Variants in USP54 observed in about 807,000 individuals in gnomAD.
USP54 encodes the protein ubiquitin carboxyl-terminal hydrolase 54.
In USP54, 87 loss-of-function variants were observed where a neutral mutation model predicts 170.5. The ratio of observed to expected loss-of-function variants is 0.51; its 90% CI spans 0.43 to 0.61. The LOEUF is 0.61. Ranked by LOEUF, USP54 falls within the 20% of genes least tolerant of loss-of-function variation. The pLI, the probability that USP54 is intolerant of heterozygous loss-of-function variation, is 0.00. For missense variants in USP54, 1,786 were observed against 2,047.8 expected (o/e 0.87, Z 2.47); for synonymous variants, 655 against 742.8 (o/e 0.88, Z 1.92).
At chr10:73,537,847 T>C (rs553141767) in intron 10 of USP54, 1 of 152,086 alleles carries the variant, frequency 6.6e-6, no homozygotes, top group Non-Finnish European at 1.5e-5. Flanking sequence ...GCTGTGGCTA[T>C]GTGCAGCTCA....
At chr10:73,573,608 A>T (rs913025392) in intron 3 of USP54, among the ~76,000 whole-genome samples, 1 of 152,176 alleles carries the variant, frequency 6.6e-6, no homozygotes, top group African/African-American at 2.4e-5. Context: ...TACTAAAAGT[A>T]CAAAAATTAG....
chr10:73,531,920 G>A (rs1464044919), intron 12 of USP54, among the ~76,000 whole-genome samples: 2 of 152,016 alleles, frequency 1.3e-5, no homozygotes, highest in Non-Finnish European at 2.9e-5. Context: ...GAATTAAGCA[G>A]GTAAATTAAG....
intron 11 of USP54, 37 bp from the exon 12 acceptor site, chr10:73,534,807 G>A: frequency 2.5e-6 from 4 of 1,593,562 alleles, no homozygotes; most frequent in Non-Finnish European, 3.4e-6. Flanking sequence ...AAAAAGTGAG[G>A]AAACAGAACA....
intron 17 of USP54, among the ~76,000 whole-genome samples, chr10:73,522,739 G>A (rs889877023): frequency 1.3e-5 from 2 of 152,154 alleles, no homozygotes; most frequent in Non-Finnish European, 2.9e-5. Flanking sequence ...AAAGAGAGTA[G>A]TATTAAAGGA....
chr10:73,562,955 A>G (rs2073403345), intron 4 of USP54, among the ~76,000 whole-genome samples: 3 of 151,928 alleles, frequency 2.0e-5, no homozygotes, highest in African/African-American at 7.3e-5. Flanking sequence ...GGTAACACTC[A>G]ATTTTTTTTT....
intron 3 of USP54, 76 bp from the exon 4 acceptor site, chr10:73,571,589 ACATAGGTAATGACTG>A: frequency 8.5e-7 from 1 of 1,172,420 alleles, no homozygotes. Flanking sequence ...GTTCAAACAA[ACATAGGTAATGACTG>A]CAGAAGATGT....
Position 73,498,068 on chromosome 10 carries a change from C to G in USP54, c.*561G>C, listed in dbSNP as rs1202124680. The G allele has an allele frequency of 2.0e-5, 3 of 152,318 alleles. No homozygotes were observed. Among genetic ancestry groups the G allele is most frequent in the African/African-American group, 7.2e-5 (3 of 41,420 alleles). The allele number at this position is 152,318 out of a possible 1,614,324, so 9.4% of individuals were successfully genotyped here. ...TACCATGGATTCATCTTTAAAGTGG[C>G]TCAGATAAAACCCTTAAACAGCAGC... On this transcript the variant is annotated 3_prime_UTR_variant, in exon 24 of 24. Transcript: ENST00000687698.
intron 20 of USP54, among the ~76,000 whole-genome samples, chr10:73,508,116 T>C (rs988983839): frequency 6.6e-6 from 1 of 152,166 alleles, no homozygotes; most frequent in African/African-American, 2.4e-5. Context: ...ATCTGATTCC[T>C]TTAAAAGAAG....
intron 1 of USP54, among the ~76,000 whole-genome samples, chr10:73,585,868 A>G (rs2077418395): frequency 6.6e-6 from 1 of 152,064 alleles, no homozygotes; most frequent in Admixed American, 6.6e-5. Flanking sequence ...TAAAAATACA[A>G]AAATTAGCTG....
At chr10:73,623,445 C>T (rs920856882) in intron 1 of USP54, among the ~76,000 whole-genome samples, 1 of 151,458 alleles carries the variant, frequency 6.6e-6, no homozygotes, top group Non-Finnish European at 1.5e-5. Flanking sequence ...TCACTTGAGC[C>T]CAGGAGTTTG....
chr10:73,617,170 C>A (rs1385873155), intron 1 of USP54, among the ~76,000 whole-genome samples: 1 of 150,400 alleles, frequency 6.6e-6, no homozygotes, highest in Admixed American at 6.6e-5. Context: ...GTGGCACATG[C>A]CTGTAATCCC....
rs1276450141 is a variant in USP54 at position 73,530,752 on chromosome 10, C to A, written c.1399G>T (p.Val467Phe). Residue 467 changes from valine to phenylalanine, a missense_variant, in exon 13 of 24, where the codon GTT becomes TTT. Coordinates refer to ENST00000687698, the MANE Select transcript of USP54 (RefSeq NM_001391956.1). ...LIERKRSSGR[V>F]RRKGDEPQAS... The stretch of plus-strand genomic sequence containing the variant: ...TGGGGCTCATCGCCTTTCCTCCTAA[C>A]CCGACCAGAGCTCCTCTTGCGCTCT... 3 of 1,614,066 alleles carry A rather than the reference C, an allele frequency of 1.9e-6. No individual in the cohort carries two copies. The highest frequency in any genetic ancestry group is 2.5e-6 in the Non-Finnish European group (3 of 1,180,030).
rs544774516 is a variant in USP54 at position 73,524,000 on chromosome 10, C to T, written c.2195-250G>A. ...TTGGCTCACTGCAACCTCCGCCTCC[C>T]GGGTTCAAGCGATTCTTCTGCCTCA... On this transcript the variant is annotated intron_variant, in intron 16 of 23. Transcript: ENST00000687698. Among the ~76,000 whole-genome samples, 25 of 150,608 alleles carry T rather than the reference C, an allele frequency of 1.7e-4. No individual in the cohort carries two copies. The South Asian group carries it at 5.0e-3, about 30-fold the overall frequency.
chr10:73,575,770 T>C, intron 2 of USP54, 28 bp downstream of exon 2: 1 of 1,366,680 alleles, frequency 7.3e-7, no homozygotes, highest in Non-Finnish European at 9.8e-7. Flanking sequence ...TTTAGTGAAT[T>C]TATTTTGGAA....
rs1300078696 is a variant in USP54 at position 73,576,123 on chromosome 10, TG to T, written c.-344del. 1 of 152,438 alleles carries T rather than the reference TG, an allele frequency of 6.6e-6. No individual in the cohort carries two copies. Among genetic ancestry groups the T allele is most frequent in the African/African-American group, 2.4e-5 (1 of 41,454 alleles). 9.4% of individuals were successfully genotyped at this position (152,438 alleles called of 1,614,324 possible). ...CAGACAGAGAAGCAAGAATCCAACA[TG>T]ATCCTCCTCACCCTCTATTGCCTTG... On this transcript the variant is annotated 5_prime_UTR_variant, in exon 2 of 24. Transcript: ENST00000687698.
intron 1 of USP54, among the ~76,000 whole-genome samples, chr10:73,589,692 T>A (rs1413488952): frequency 1.3e-5 from 2 of 152,168 alleles, no homozygotes; most frequent in Non-Finnish European, 2.9e-5. Context: ...GGAAGCAAAC[T>A]GACAGCACTG....
intron 4 of USP54, among the ~76,000 whole-genome samples, chr10:73,565,074 TAAA>T (rs1277495663): frequency 1.3e-5 from 2 of 151,772 alleles, no homozygotes; most frequent in African/African-American, 2.4e-5. Flanking sequence ...ATCCTATCTC[TAAA>T]AAATAATAAT....
chr10:73,577,244 T>A (rs1454237214), intron 1 of USP54, among the ~76,000 whole-genome samples: 1 of 152,210 alleles, frequency 6.6e-6, no homozygotes, highest in Non-Finnish European at 1.5e-5. Context: ...CTTCTCACCA[T>A]CATATGCACC....
At chr10:73,503,272 T>G (rs1589789869) in intron 22 of USP54, among the ~76,000 whole-genome samples, 1 of 152,252 alleles carries the variant, frequency 6.6e-6, no homozygotes, top group East Asian at 1.9e-4. Flanking sequence ...CAAGCCTGAT[T>G]TAAATATCCC....
Sources: allele counts gnomAD v4.1 joint callset (sites outside exome capture counted in the v4.1 genomes callset), GRCh38; gene constraint gnomAD v4.1.1; transcripts MANE v1.5; gene names NCBI Gene and HGNC (gene_info 2026-07-23, HGNC 2026-07-21).